The following PDZRN4 variants were observed in gnomAD, a reference collection of about 807,000 sequenced individuals.
PDZRN4 encodes PDZ domain-containing RING finger protein 4.
In PDZRN4, 70 loss-of-function variants were observed where a neutral mutation model predicts 99.0. The ratio of observed to expected loss-of-function variants is 0.71; its 90% CI spans 0.58 to 0.86. The LOEUF (loss-of-function observed/expected upper bound fraction) is 0.86, where lower values mean the gene tolerates loss of function less well. Among genes scored for constraint, PDZRN4 ranks in the 40% least tolerant of loss-of-function variants. The pLI is 0.00. For missense variants in PDZRN4, 1,474 were observed against 1,331.2 expected (o/e 1.11, Z -1.67); for synonymous variants, 551 against 501.6 (o/e 1.10, Z -1.32).
chr12:41,342,473 G>T (rs12422274), intron 3 of PDZRN4, among the ~76,000 whole-genome samples: 64,267 of 151,406 alleles, frequency 0.42, 16,016 homozygotes, highest in Middle Eastern at 0.65. Context: ...TTAATATCCA[G>T]AATATATAAA....
At chr12:41,191,172 A>G (rs1161100032) in intron 1 of PDZRN4, among the ~76,000 whole-genome samples, 2 of 152,222 alleles carry the variant, frequency 1.3e-5, no homozygotes, top group Non-Finnish European at 2.9e-5. Context: ...AGATTTAGAT[A>G]CTGCATTAGG....
chr12:41,373,683 T>C (rs1047846752), intron 3 of PDZRN4, among the ~76,000 whole-genome samples: 3 of 151,878 alleles, frequency 2.0e-5, no homozygotes, highest in East Asian at 1.9e-4. Context: ...GTTAATGCAG[T>C]CATCACAGGG....
chr12:41,528,656 G>A (rs751242180), intron 5 of PDZRN4, among the ~76,000 whole-genome samples: 4 of 152,122 alleles, frequency 2.6e-5, no homozygotes, highest in Non-Finnish European at 5.9e-5. Context: ...ATCCTGCCTC[G>A]CATTGTTTGT....
intron 3 of PDZRN4, among the ~76,000 whole-genome samples, chr12:41,398,817 T>TCTAATGC (rs1952269355): frequency 1.3e-5 from 2 of 152,152 alleles, no homozygotes; most frequent in African/African-American, 2.4e-5. Context: ...TACAATAGTG[T>TCTAATGC]CTAATGCATA....
chr12:41,433,896 A>C (rs180942460), intron 3 of PDZRN4, among the ~76,000 whole-genome samples: 63 of 152,310 alleles, frequency 4.1e-4, no homozygotes, highest in Non-Finnish European at 7.3e-4. Flanking sequence ...TATAGAAAAC[A>C]CCAATAACAA....
intron 3 of PDZRN4, among the ~76,000 whole-genome samples, chr12:41,230,536 T>A (rs563628310): frequency 6.6e-5 from 10 of 152,250 alleles, no homozygotes; most frequent in Non-Finnish European, 1.3e-4. Context: ...TCCACTGGCA[T>A]GTATCCCAAA....
chr12:41,386,020 T>C (rs981540933), intron 3 of PDZRN4, among the ~76,000 whole-genome samples: 4 of 152,220 alleles, frequency 2.6e-5, no homozygotes, highest in Non-Finnish European at 5.9e-5. Context: ...CATACACAAA[T>C]CAGTAAATGT....
chr12:41,513,571 T>C (rs561466467), intron 5 of PDZRN4, among the ~76,000 whole-genome samples: 4 of 152,142 alleles, frequency 2.6e-5, no homozygotes, highest in East Asian at 3.9e-4. Context: ...AGTCAGGGTG[T>C]TCCATGCCAC....
intron 3 of PDZRN4, among the ~76,000 whole-genome samples, chr12:41,206,869 C>A (rs1950854540): frequency 6.6e-6 from 1 of 151,868 alleles, no homozygotes; most frequent in Non-Finnish European, 1.5e-5. Context: ...TTGACATTAT[C>A]ATGTTTGATC....
intron 3 of PDZRN4, among the ~76,000 whole-genome samples, chr12:41,355,915 C>T (rs1458079403): frequency 2.0e-5 from 3 of 152,044 alleles, no homozygotes; most frequent in East Asian, 3.9e-4. Context: ...GACAATCACC[C>T]CCACTGTGAT....
At chr12:41,507,162 C>G (rs928022068) in intron 4 of PDZRN4, among the ~76,000 whole-genome samples, 3 of 152,058 alleles carry the variant, frequency 2.0e-5, no homozygotes, top group African/African-American at 7.2e-5. Context: ...TAAAGAGAAG[C>G]TAGGAAATTG....
chr12:41,237,463 C>A (rs1205126397), intron 3 of PDZRN4, among the ~76,000 whole-genome samples: 4 of 151,986 alleles, frequency 2.6e-5, no homozygotes, highest in African/African-American at 9.7e-5. Flanking sequence ...CTACTGTATT[C>A]CCAGTATGTG....
At chr12:41,265,472 G>A (rs1218287382) in intron 3 of PDZRN4, among the ~76,000 whole-genome samples, 1 of 152,190 alleles carries the variant, frequency 6.6e-6, no homozygotes, top group African/African-American at 2.4e-5. Context: ...CAGAAACACA[G>A]CAAGGACCGA....
chr12:41,364,917 A>AG (rs745664269), intron 3 of PDZRN4, among the ~76,000 whole-genome samples: 44 of 152,188 alleles, frequency 2.9e-4, no homozygotes, highest in Non-Finnish European at 5.6e-4. Flanking sequence ...GCCAGTGGGG[A>AG]GAAAAAAATA....
intron 3 of PDZRN4, among the ~76,000 whole-genome samples, chr12:41,413,834 T>C (rs1311700689): frequency 6.6e-6 from 1 of 152,144 alleles, no homozygotes; most frequent in African/African-American, 2.4e-5. Context: ...TATTGATATA[T>C]GAGGTTTTGA....
intron 3 of PDZRN4, among the ~76,000 whole-genome samples, chr12:41,220,641 C>T (rs570479847): frequency 6.6e-6 from 1 of 152,218 alleles, no homozygotes; most frequent in South Asian, 2.1e-4. Flanking sequence ...ATAGTGTATA[C>T]AACTAGACTC....
At chr12:41,386,215 T>C (rs1356844312) in intron 3 of PDZRN4, among the ~76,000 whole-genome samples, 3 of 152,202 alleles carry the variant, frequency 2.0e-5, no homozygotes, top group Non-Finnish European at 4.4e-5. Context: ...TCATACTGAA[T>C]GGGCAAAAGC....
At chr12:41,406,651 T>C (rs1191075377) in intron 3 of PDZRN4, among the ~76,000 whole-genome samples, 1 of 151,924 alleles carries the variant, frequency 6.6e-6, no homozygotes, top group South Asian at 2.1e-4. Context: ...CCCAGCACTT[T>C]GGGAGGCCGA....
chr12:41,372,791 G>A (rs753470201), intron 3 of PDZRN4, among the ~76,000 whole-genome samples: 10 of 152,104 alleles, frequency 6.6e-5, no homozygotes, highest in Admixed American at 1.3e-4. Flanking sequence ...GAAGGTGCTG[G>A]AGAAACATGA....
Sources: allele counts gnomAD v4.1 joint callset (sites outside exome capture counted in the v4.1 genomes callset), GRCh38; gene constraint gnomAD v4.1.1; transcripts MANE v1.5; gene names NCBI Gene and HGNC (gene_info 2026-07-23, HGNC 2026-07-21).